The following BCL2 variants were observed in gnomAD, a reference collection of about 807,000 sequenced individuals.
The protein encoded by BCL2 is apoptosis regulator Bcl-2.
Under a neutral mutation model 14.2 loss-of-function variants are expected in BCL2, and 1 was observed. The observed-to-expected ratio is 0.07, with a 90% CI of 0.02 to 0.33. The LOEUF (loss-of-function observed/expected upper bound fraction) is 0.33. BCL2 is among the 10% of genes least tolerant of loss of function. The probability of loss-of-function intolerance (pLI) is 0.99; values close to 1 mark genes in which losing one functional copy is unlikely to be tolerated. For missense variants in BCL2, 247 were observed against 305.9 expected (o/e 0.81, Z 1.44); for synonymous variants, 151 against 137.2 (o/e 1.10, Z -0.70).
intron 2 of BCL2, among the ~76,000 whole-genome samples, chr18:63,156,835 G>A (rs1914796058): frequency 6.6e-6 from 1 of 152,170 alleles, no homozygotes; most frequent in East Asian, 1.9e-4. Context: ...GGGCAGCCAG[G>A]GATCCAGGTA....
intron 2 of BCL2, among the ~76,000 whole-genome samples, chr18:63,247,008 G>A (rs1233235852): frequency 6.6e-6 from 1 of 152,178 alleles, no homozygotes; most frequent in Non-Finnish European, 1.5e-5. Context: ...AAATTTGAGT[G>A]ATGTCTTCAA....
At chr18:63,202,628 AT>A (rs973393403) in intron 2 of BCL2, among the ~76,000 whole-genome samples, 1 of 152,192 alleles carries the variant, frequency 6.6e-6, no homozygotes, top group African/African-American at 2.4e-5. Context: ...TGTTTACAGT[AT>A]TATTGCTTGG....
chr18:63,260,216 G>A (rs1174248387), intron 2 of BCL2, among the ~76,000 whole-genome samples: 1 of 152,068 alleles, frequency 6.6e-6, no homozygotes, highest in Non-Finnish European at 1.5e-5. Context: ...GCATAAGCAT[G>A]AAACACCTAA....
intron 2 of BCL2, among the ~76,000 whole-genome samples, chr18:63,284,343 G>A (rs1296781391): frequency 6.6e-6 from 1 of 152,156 alleles, no homozygotes. Flanking sequence ...CCCCAAAATA[G>A]GGGTGCAGTG....
chr18:63,177,855 C>T (rs1421540161), intron 2 of BCL2, among the ~76,000 whole-genome samples: 2 of 152,166 alleles, frequency 1.3e-5, no homozygotes, highest in African/African-American at 2.4e-5. Context: ...GCTGGATCTG[C>T]CTCCCTGTGG....
intron 2 of BCL2, among the ~76,000 whole-genome samples, chr18:63,232,524 G>A (rs1222171016): frequency 1.1e-4 from 17 of 152,104 alleles, no homozygotes; most frequent in Non-Finnish European, 1.5e-5. Context: ...ATGAAAAACC[G>A]TAGGAAAAAC....
At chr18:63,169,137 T>C (rs1915120847) in intron 2 of BCL2, among the ~76,000 whole-genome samples, 1 of 152,232 alleles carries the variant, frequency 6.6e-6, no homozygotes, top group Non-Finnish European at 1.5e-5. Flanking sequence ...TCATCCCTGG[T>C]GACACTTATT....
intron 2 of BCL2, among the ~76,000 whole-genome samples, chr18:63,227,083 G>C (rs916729512): frequency 6.6e-6 from 1 of 151,240 alleles, no homozygotes; most frequent in East Asian, 1.9e-4. Context: ...ATATGAGAGA[G>C]AGAGAGAGAA....
At chr18:63,161,020 T>C (rs549302377) in intron 2 of BCL2, among the ~76,000 whole-genome samples, 1 of 152,194 alleles carries the variant, frequency 6.6e-6, no homozygotes, top group Admixed American at 6.5e-5. Flanking sequence ...CAAAACATTA[T>C]GCAGGAAGGA....
intron 2 of BCL2, among the ~76,000 whole-genome samples, chr18:63,256,809 C>G (rs1317851798): frequency 6.6e-6 from 1 of 152,200 alleles, no homozygotes; most frequent in African/African-American, 2.4e-5. Flanking sequence ...CCTAATCAAT[C>G]AACCTAACCA....
chr18:63,175,697 T>C (rs1380616038), intron 2 of BCL2, among the ~76,000 whole-genome samples: 1 of 152,164 alleles, frequency 6.6e-6, no homozygotes, highest in African/African-American at 2.4e-5. Context: ...CTCCTCCCAC[T>C]ACACAGGTGC....
intron 2 of BCL2, among the ~76,000 whole-genome samples, chr18:63,228,705 A>G (rs112867426): frequency 9.2e-4 from 70 of 75,748 alleles, no homozygotes; most frequent in Middle Eastern, 8.1e-3. Flanking sequence ...CTTTACAGCC[A>G]AAAGCAATTT....
chr18:63,167,473 A>C (rs966197259), intron 2 of BCL2, among the ~76,000 whole-genome samples: 1 of 152,218 alleles, frequency 6.6e-6, no homozygotes, highest in South Asian at 2.1e-4. Context: ...TTCTTTGGGC[A>C]CATTTAAAAA....
At chr18:63,232,388 T>A (rs887307791) in intron 2 of BCL2, among the ~76,000 whole-genome samples, 2 of 152,084 alleles carry the variant, frequency 1.3e-5, no homozygotes, top group Admixed American at 6.5e-5. Flanking sequence ...AGAGAGAAAA[T>A]TTCTGTAAGT....
At chr18:63,155,800 C>T (rs1343442880) in intron 2 of BCL2, among the ~76,000 whole-genome samples, 1 of 152,188 alleles carries the variant, frequency 6.6e-6, no homozygotes, top group Admixed American at 6.5e-5. Flanking sequence ...AGCTCAGGGT[C>T]ACCTTGAACC....
intron 2 of BCL2, among the ~76,000 whole-genome samples, chr18:63,203,380 G>A (rs1909754133): frequency 6.6e-6 from 1 of 152,128 alleles, no homozygotes; most frequent in African/African-American, 2.4e-5. Context: ...GAAAACTTCA[G>A]GGAGGTTCCC....
At chr18:63,317,787 G>T (rs1044124137) in intron 2 of BCL2, 1 of 1,262,688 alleles carries the variant, frequency 7.9e-7, no homozygotes, top group Non-Finnish European at 1.0e-6. Flanking sequence ...TTCAGCTTGA[G>T]AAACACTGAA....
chr18:63,178,956 A>G (rs1449631704), intron 2 of BCL2, among the ~76,000 whole-genome samples: 1 of 152,156 alleles, frequency 6.6e-6, no homozygotes, highest in Non-Finnish European at 1.5e-5. Context: ...GGGGATCACA[A>G]AAGTCATGGG....
chr18:63,260,671 A>C (rs2144223433), intron 2 of BCL2, among the ~76,000 whole-genome samples: 1 of 151,782 alleles, frequency 6.6e-6, no homozygotes, highest in Admixed American at 6.6e-5. Context: ...CTCACGAGAG[A>C]AAGGTGATAT....
Sources: gnomAD v4.1 joint callset for allele counts (sites outside exome capture counted in the v4.1 genomes callset) on GRCh38, gnomAD v4.1.1 for gene constraint, MANE v1.5 for transcripts, NCBI Gene and HGNC (gene_info 2026-07-23, HGNC 2026-07-21) for gene names.